SUSD4: variants seen among roughly 807,000 people sequenced by gnomAD.
The protein encoded by SUSD4 is sushi domain containing 4, also known as sushi domain-containing protein 4.
In SUSD4, 41 loss-of-function variants were observed where a neutral mutation model predicts 50.5. That is an observed-to-expected ratio of 0.81 (90% CI 0.63 to 1.05). The LOEUF (loss-of-function observed/expected upper bound fraction) is 1.05. SUSD4 is among the 50% of genes least tolerant of loss of function. The pLI is 0.00. For synonymous variants in SUSD4, 257 were observed against 257.3 expected (o/e 1.00, Z 0.01); for missense variants, 580 against 634.7 (o/e 0.91, Z 0.93).
chr1:223,276,738 G>T (rs1162329449), intron 3 of SUSD4, among the ~76,000 whole-genome samples: 1 of 152,250 alleles, frequency 6.6e-6, no homozygotes, highest in African/African-American at 2.4e-5. Flanking sequence ...CTGGGGACAG[G>T]TAGAAGCATC....
intron 2 of SUSD4, among the ~76,000 whole-genome samples, chr1:223,352,467 G>A (rs552260113): frequency 2.2e-4 from 33 of 152,300 alleles, no homozygotes; most frequent in African/African-American, 7.2e-4. Context: ...TTTAAGGAGC[G>A]CTTCCTCAAA....
chr1:223,329,638 C>T (rs558318622), intron 2 of SUSD4, among the ~76,000 whole-genome samples: 155 of 152,310 alleles, frequency 1.0e-3, no homozygotes, highest in African/African-American at 3.6e-3. Flanking sequence ...AGGCATGGAG[C>T]TCAGTGAAAG....
At chr1:223,280,160 A>C (rs1663599445) in intron 3 of SUSD4, among the ~76,000 whole-genome samples, 1 of 152,248 alleles carries the variant, frequency 6.6e-6, no homozygotes, top group African/African-American at 2.4e-5. Flanking sequence ...CATCGATGCT[A>C]GGAAGAAACT....
At chr1:223,359,115 C>CA (rs1668825862) in intron 2 of SUSD4, 2 of 471,088 alleles carry the variant, frequency 4.2e-6, no homozygotes, top group Non-Finnish European at 8.8e-6. Context: ...TTGCATGAGT[C>CA]AGAGACCTAG....
intron 5 of SUSD4, among the ~76,000 whole-genome samples, chr1:223,260,120 C>T (rs1424343046): frequency 6.6e-6 from 1 of 152,210 alleles, no homozygotes; most frequent in Non-Finnish European, 1.5e-5. Flanking sequence ...TCCTTCTACC[C>T]TTTCTAAATG....
intron 5 of SUSD4, among the ~76,000 whole-genome samples, chr1:223,239,883 C>T (rs1046817271): frequency 3.0e-4 from 46 of 151,806 alleles, no homozygotes; most frequent in Admixed American, 2.6e-3. Context: ...AGTGTTCTTC[C>T]TTTCTTTATG....
chr1:223,300,796 C>T (rs953178538), intron 2 of SUSD4, among the ~76,000 whole-genome samples: 2 of 152,166 alleles, frequency 1.3e-5, no homozygotes, highest in South Asian at 2.1e-4. Context: ...CAAAAGCATG[C>T]CCATCCTCCA....
chr1:223,245,699 G>C (rs1372263047), intron 5 of SUSD4, among the ~76,000 whole-genome samples: 1 of 152,244 alleles, frequency 6.6e-6, no homozygotes, highest in Non-Finnish European at 1.5e-5. Context: ...GACATGGCAG[G>C]ACTGCCAGGA....
intron 2 of SUSD4, among the ~76,000 whole-genome samples, chr1:223,313,661 T>C (rs1666009710): frequency 6.6e-6 from 1 of 151,984 alleles, no homozygotes; most frequent in South Asian, 2.1e-4. Context: ...AGTCACCAGA[T>C]AAGATAGGAG....
At chr1:223,226,338 C>G (rs1264023567) in intron 7 of SUSD4, among the ~76,000 whole-genome samples, 1 of 152,244 alleles carries the variant, frequency 6.6e-6, no homozygotes, top group Admixed American at 6.5e-5. Flanking sequence ...ATGGCACTGA[C>G]ACACCTCTGG....
intron 2 of SUSD4, among the ~76,000 whole-genome samples, chr1:223,317,707 A>C (rs1038448624): frequency 4.6e-5 from 7 of 152,004 alleles, no homozygotes; most frequent in African/African-American, 1.7e-4. Context: ...CCCAAAAGGA[A>C]ATTTATTATT....
At chr1:223,301,359 A>T (rs1572012512) in intron 2 of SUSD4, among the ~76,000 whole-genome samples, 1 of 152,354 alleles carries the variant, frequency 6.6e-6, no homozygotes, top group South Asian at 2.1e-4. Flanking sequence ...GTTCTCAAAC[A>T]TCTATTGACC....
intron 2 of SUSD4, chr1:223,360,082 A>G (rs1668886792): frequency 2.5e-6 from 1 of 402,204 alleles, no homozygotes; most frequent in South Asian, 1.9e-5. Flanking sequence ...TAAATTAGGC[A>G]CCGTCATCCT....
At chr1:223,280,784 A>G (rs1314444907) in intron 3 of SUSD4, among the ~76,000 whole-genome samples, 1 of 152,220 alleles carries the variant, frequency 6.6e-6, no homozygotes, top group Non-Finnish European at 1.5e-5. Context: ...CAGAATATAC[A>G]TTCTTTTCAG....
chr1:223,300,386 C>T (rs968888509), intron 2 of SUSD4, among the ~76,000 whole-genome samples: 1 of 152,204 alleles, frequency 6.6e-6, no homozygotes, highest in Non-Finnish European at 1.5e-5. Flanking sequence ...AAGACACCCT[C>T]AGTTTCTTTA....
At chr1:223,336,490 C>T (rs1173729259) in intron 2 of SUSD4, among the ~76,000 whole-genome samples, 1 of 152,162 alleles carries the variant, frequency 6.6e-6, no homozygotes, top group African/African-American at 2.4e-5. Context: ...GCCTCTGAGG[C>T]GTGAATAGCA....
intron 7 of SUSD4, among the ~76,000 whole-genome samples, chr1:223,226,084 C>T (rs2102992829): frequency 6.6e-6 from 1 of 152,222 alleles, no homozygotes; most frequent in Admixed American, 6.5e-5. Context: ...ACTTTTCTTC[C>T]AAGCATATGT....
intron 5 of SUSD4, among the ~76,000 whole-genome samples, chr1:223,235,934 T>C (rs767264475): frequency 1.3e-5 from 2 of 152,224 alleles, no homozygotes; most frequent in Non-Finnish European, 2.9e-5. Context: ...TAAGAAGCCA[T>C]CAAACTGTCT....
chr1:223,350,368 C>T (rs1487947884), intron 2 of SUSD4, among the ~76,000 whole-genome samples: 2 of 152,070 alleles, frequency 1.3e-5, no homozygotes, highest in African/African-American at 2.4e-5. Context: ...GATAAGAAGC[C>T]GGAAAGACTT....
Sources: allele counts gnomAD v4.1 joint callset (sites outside exome capture counted in the v4.1 genomes callset), GRCh38; gene constraint gnomAD v4.1.1; transcripts MANE v1.5; gene names NCBI Gene and HGNC (gene_info 2026-07-23, HGNC 2026-07-21).